The following MYH11 variants were observed in gnomAD, a reference collection of about 807,000 sequenced individuals.
MYH11 encodes the protein myosin heavy chain 11.
MYH11 carries 80 observed loss-of-function variants against 246.6 expected under a neutral mutation model. The ratio of observed to expected loss-of-function variants is 0.32; its 90% CI spans 0.27 to 0.39. The LOEUF is 0.39. MYH11 is among the 10% of genes least tolerant of loss of function. The pLI is 1.00. For missense variants in MYH11, 2,158 were observed against 2,546.8 expected (o/e 0.85, Z 3.29); for synonymous variants, 1,071 against 1,015.5 (o/e 1.05, Z -1.04).
Position 15,750,467 on chromosome 16 carries a change from C to T in MYH11, c.1865-136G>A. ...CATCACCAACGCCTCCTTCGGCAGT[C>T]AGGGTTTCCAAGTATTGTCTATTGG... On this transcript the variant is annotated intron_variant, in intron 15 of 40. Transcript: ENST00000300036. This position sits in a 1 kb window ranked among gnomAD's most constrained non-coding sequence, Gnocchi z 4.3. 1.2e-6 allele frequency: 1 copy of T among 859,138 alleles called. No individual in the cohort carries two copies. Among genetic ancestry groups the T allele is most frequent in the Non-Finnish European group, 1.8e-6 (1 of 545,088 alleles). 53.2% of individuals were successfully genotyped at this position (859,138 alleles called of 1,614,324 possible). A position where few individuals can be genotyped will look rare whatever the true frequency, so the allele number is the denominator to read the frequency against.
intron 9 of MYH11, among the ~76,000 whole-genome samples, chr16:15,770,491 G>A (rs1030124174): frequency 2.6e-5 from 4 of 152,154 alleles, no homozygotes; most frequent in Admixed American, 1.3e-4. Flanking sequence ...GAGCTGTCCT[G>A]TTCTCAAGAC....
intron 15 of MYH11, among the ~76,000 whole-genome samples, chr16:15,753,180 A>G (rs1291717271): frequency 6.6e-6 from 1 of 152,066 alleles, no homozygotes; most frequent in African/African-American, 2.4e-5. Flanking sequence ...CAGGACCTCA[A>G]TCCCCTCGGG....
chr16:15,781,610 C>T (rs1190978760), intron 6 of MYH11, among the ~76,000 whole-genome samples: 1 of 152,216 alleles, frequency 6.6e-6, no homozygotes, highest in Non-Finnish European at 1.5e-5. Flanking sequence ...GTCTACCTAT[C>T]ATCAACCATC....
intron 1 of MYH11, among the ~76,000 whole-genome samples, chr16:15,855,291 G>A (rs930642266): frequency 6.6e-6 from 1 of 152,164 alleles, no homozygotes; most frequent in African/African-American, 2.4e-5. Context: ...CCTCAATCAG[G>A]GGACAAACAG....
intron 9 of MYH11, among the ~76,000 whole-genome samples, chr16:15,764,818 GAAATAA>G (rs2151283741): frequency 6.6e-6 from 1 of 152,230 alleles, no homozygotes; most frequent in Admixed American, 6.5e-5. Context: ...AAGGATTTTT[GAAATAA>G]AAACCCTGTG....
intron 4 of MYH11, among the ~76,000 whole-genome samples, chr16:15,792,942 C>T (rs533443779): frequency 6.6e-6 from 1 of 152,204 alleles, no homozygotes; most frequent in South Asian, 2.1e-4. Flanking sequence ...GCCATGTTGG[C>T]CAGGCTGGTC....
At chr16:15,751,609 CTTTTT>C (rs34772774) in intron 15 of MYH11, among the ~76,000 whole-genome samples, 1 of 116,336 alleles carries the variant, frequency 8.6e-6, no homozygotes. Context: ...GTGTAACAAT[CTTTTT>C]TTTTTTTTTT....
chr16:15,709,683 A>G (rs2039670644), intron 40 of MYH11, among the ~76,000 whole-genome samples: 3 of 152,206 alleles, frequency 2.0e-5, no homozygotes, highest in African/African-American at 7.2e-5. Flanking sequence ...TATAAATCCC[A>G]TGATTGCATA....
intron 4 of MYH11, among the ~76,000 whole-genome samples, chr16:15,794,316 C>A (rs116163254): frequency 2.0e-5 from 3 of 152,222 alleles, no homozygotes; most frequent in Non-Finnish European, 2.9e-5. Flanking sequence ...ACCAACTACG[C>A]GTAAAAGCTC....
At chr16:15,847,143 G>T (rs1307423539) in intron 1 of MYH11, among the ~76,000 whole-genome samples, 1 of 151,866 alleles carries the variant, frequency 6.6e-6, no homozygotes. Flanking sequence ...TGATATTCTT[G>T]TGCAATAATG....
intron 2 of MYH11, among the ~76,000 whole-genome samples, chr16:15,828,743 A>T (rs2043640169): frequency 6.7e-6 from 1 of 149,604 alleles, no homozygotes; most frequent in Admixed American, 6.7e-5. Context: ...TAGTGAGCTG[A>T]GATCATGGTG....
chr16:15,805,142 A>G (rs7185312), intron 3 of MYH11, among the ~76,000 whole-genome samples: 60,294 of 152,090 alleles, frequency 0.4, 12,842 homozygotes, highest in African/African-American at 0.56. Flanking sequence ...CAGGATGGCC[A>G]TGGACCGTGG....
chr16:15,847,246 CT>C (rs545966682), intron 1 of MYH11, among the ~76,000 whole-genome samples: 2,158 of 112,228 alleles, frequency 0.019, 18 homozygotes, highest in East Asian at 0.07. Flanking sequence ...AAGTGGACTT[CT>C]TTTTTTTTTT....
intron 1 of MYH11, among the ~76,000 whole-genome samples, chr16:15,842,579 T>C (rs1207399621): frequency 6.6e-6 from 1 of 151,232 alleles, no homozygotes; most frequent in African/African-American, 2.4e-5. Flanking sequence ...CTGGCCAACG[T>C]GGCGAAACCT....
At chr16:15,780,250 A>G (rs2042316237) in intron 6 of MYH11, among the ~76,000 whole-genome samples, 1 of 150,992 alleles carries the variant, frequency 6.6e-6, no homozygotes, top group Admixed American at 6.6e-5. Context: ...GGTGGAAGCC[A>G]TTATTTGGCT....
intron 1 of MYH11, among the ~76,000 whole-genome samples, chr16:15,844,041 A>T (rs577489675): frequency 6.6e-6 from 1 of 152,268 alleles, no homozygotes; most frequent in South Asian, 2.1e-4. Context: ...TAAACATTAC[A>T]TGCCTGCAGA....
At chr16:15,738,004 T>G (rs1296784779) in intron 24 of MYH11, among the ~76,000 whole-genome samples, 1 of 152,012 alleles carries the variant, frequency 6.6e-6, no homozygotes, top group Non-Finnish European at 1.5e-5. Flanking sequence ...GCCAGGCTGG[T>G]CTCCAACTCT....
At position 15,763,752 on chromosome 16, in the gene MYH11, C is replaced by T. The variant is rs750642647; in HGVS notation, c.1129+44G>A. 11 of 819,120 alleles carry T rather than the reference C, an allele frequency of 1.3e-5. No individual in the cohort carries two copies. In the East Asian group the frequency reaches 1.8e-4, roughly 13 times the overall value. 50.7% of individuals were successfully genotyped at this position (819,120 alleles called of 1,614,324 possible). A position where few individuals can be genotyped will look rare whatever the true frequency, so the allele number is the denominator to read the frequency against. ...GGTTAAATGTCACCTCCCCCACCCC[C>T]CCAACCCCAAAGTCATTGGTCATCA... On this transcript the variant is annotated intron_variant, in intron 10 of 40. Transcript: ENST00000300036.
chr16:15,774,220 C>G (rs527920660), intron 8 of MYH11, among the ~76,000 whole-genome samples: 69 of 152,304 alleles, frequency 4.5e-4, no homozygotes, highest in South Asian at 1.4e-3. Flanking sequence ...ACTTCATTAT[C>G]CCGAGTTTGG....
Sources: gnomAD v4.1 joint callset for allele counts (sites outside exome capture counted in the v4.1 genomes callset) on GRCh38, gnomAD v4.1.1 for gene constraint, Gnocchi (gnomAD v3.1) non-coding constraint, MANE v1.5 for transcripts, NCBI Gene and HGNC (gene_info 2026-07-23, HGNC 2026-07-21) for gene names.